LRRC28: variants seen among roughly 807,000 people sequenced by gnomAD.
LRRC28 encodes the protein leucine-rich repeat-containing protein 28.
Under a neutral mutation model 45.7 loss-of-function variants are expected in LRRC28, and 39 were observed. That is an observed-to-expected ratio of 0.85 (90% confidence interval 0.66 to 1.12). The LOEUF (loss-of-function observed/expected upper bound fraction) is 1.12, where lower values mean the gene tolerates loss of function less well. Ranked by LOEUF, LRRC28 falls within the 50% of genes most tolerant of loss-of-function variation. The pLI, the probability that LRRC28 is intolerant of heterozygous loss-of-function variation, is 0.00. For synonymous variants in LRRC28, 206 were observed against 178.8 expected (o/e 1.15, Z -1.22); for missense variants, 435 against 438.5 (o/e 0.99, Z 0.07).
chr15:99,378,891 C>A lies in LRRC28; in HGVS notation c.1032-7139C>A, dbSNP rs1198418622. Among the ~76,000 whole-genome samples, 5 of 152,194 alleles carry A rather than the reference C, an allele frequency of 3.3e-5. No individual in the cohort carries two copies. In the East Asian group the frequency reaches 7.7e-4, roughly 23 times the overall value. On this transcript the variant is annotated intron_variant, in intron 9 of 9. Transcript: ENST00000301981. The stretch of plus-strand genomic sequence containing the variant: ...AGCCTTGCATCCCAGGGATGAAGCC[C>A]ACTTGATCATGGTGGATAAGCTTCT...
intron 2 of LRRC28, among the ~76,000 whole-genome samples, chr15:99,273,475 G>A (rs972348607): frequency 6.6e-6 from 1 of 152,142 alleles, no homozygotes; most frequent in Non-Finnish European, 1.5e-5. Flanking sequence ...CTGACCTCGT[G>A]ATCTGCCCGC....
chr15:99,343,883 C>T (rs140803388), intron 6 of LRRC28, among the ~76,000 whole-genome samples: 19 of 152,260 alleles, frequency 1.2e-4, no homozygotes, highest in Middle Eastern at 3.4e-3. Context: ...ATAATGATTA[C>T]GAATGCCATT....
At chr15:99,381,502 T>C (rs9888728) in intron 9 of LRRC28, among the ~76,000 whole-genome samples, 35,594 of 152,204 alleles carry the variant, frequency 0.23, 5,630 homozygotes, top group African/African-American at 0.46. Context: ...TTGGAGAAGT[T>C]TGATCTTCTG....
At chr15:99,305,979 T>G (rs1050858804) in intron 5 of LRRC28, among the ~76,000 whole-genome samples, 1 of 152,270 alleles carries the variant, frequency 6.6e-6, no homozygotes, top group African/African-American at 2.4e-5. Flanking sequence ...AGTTCATTTA[T>G]TTTTAACAAC....
chr15:99,298,695 A>G (rs2082325496), intron 5 of LRRC28, among the ~76,000 whole-genome samples: 1 of 152,156 alleles, frequency 6.6e-6, no homozygotes, highest in Non-Finnish European at 1.5e-5. Context: ...CTTAGACACA[A>G]CCTATTAATA....
chr15:99,255,949 T>C lies in LRRC28; in HGVS notation c.-9T>C, dbSNP rs780882337. 1 of 1,611,412 alleles carries C rather than the reference T, an allele frequency of 6.2e-7. No homozygotes were observed. Among genetic ancestry groups the C allele is most frequent in the Non-Finnish European group, 8.5e-7 (1 of 1,179,584 alleles). ...GTGCTGCAGCGTGCCTGATGGGATA[T>C]ATTCAGTCATGGCGTCCGAACTTTG... On this transcript the variant is annotated 5_prime_UTR_variant, in exon 2 of 10. Coordinates refer to ENST00000301981, the MANE Select transcript of LRRC28 (RefSeq NM_144598.5).
At chr15:99,277,557 C>T (rs558487474) in intron 3 of LRRC28, among the ~76,000 whole-genome samples, 5 of 152,084 alleles carry the variant, frequency 3.3e-5, no homozygotes, top group East Asian at 1.9e-4. Flanking sequence ...ATACACAGTT[C>T]ATGTTTAAAT....
chr15:99,313,748 C>T (rs1379264864), intron 5 of LRRC28, among the ~76,000 whole-genome samples: 1 of 152,108 alleles, frequency 6.6e-6, no homozygotes, highest in East Asian at 1.9e-4. Context: ...TCTTGGTTGA[C>T]ATTTTTTTTC....
At chr15:99,311,957 A>G (rs1803036503) in intron 5 of LRRC28, among the ~76,000 whole-genome samples, 1 of 152,240 alleles carries the variant, frequency 6.6e-6, no homozygotes, top group East Asian at 1.9e-4. Context: ...GTGTTTTACC[A>G]GAATTAAGCC....
At chr15:99,349,981 A>C (rs1213652632) in intron 6 of LRRC28, among the ~76,000 whole-genome samples, 1 of 151,386 alleles carries the variant, frequency 6.6e-6, no homozygotes, top group African/African-American at 2.4e-5. Flanking sequence ...CTAAAAATAC[A>C]AAAAATTAGC....
At chr15:99,341,387 C>T (rs1395115323) in intron 6 of LRRC28, among the ~76,000 whole-genome samples, 1 of 152,104 alleles carries the variant, frequency 6.6e-6, no homozygotes, top group Non-Finnish European at 1.5e-5. Context: ...CCACCGCGCC[C>T]GGCCTGTTCT....
At chr15:99,344,198 A>AT (rs1466675352) in intron 6 of LRRC28, among the ~76,000 whole-genome samples, 1 of 152,202 alleles carries the variant, frequency 6.6e-6, no homozygotes, top group Non-Finnish European at 1.5e-5. Context: ...GCTGGGCACT[A>AT]TATACGTTGT....
chr15:99,361,423 G>C lies in LRRC28; in HGVS notation c.783G>C (p.Lys261Asn), dbSNP rs771497531. The change falls in exon 8 of 10, where the codon AAG becomes AAC. Residue 261 changes from lysine (K) to asparagine (N), a missense_variant. Physicochemically the swap from Lys to Asn is moderately conservative, Grantham distance 94. Transcript: ENST00000301981. The part of the protein sequence containing the change: ...QRTVFLPAEV[K>N]AIGTEHDHVL... ...CCGTTTTCCTCCCAGCTGAGGTGAA[G>C]GCCATAGGGACGGAGCATGATCACG... 38 of 1,613,866 alleles carry C rather than the reference G, an allele frequency of 2.4e-5. No homozygotes were observed. The highest frequency in any genetic ancestry group is 3.1e-5 in the Non-Finnish European group (37 of 1,179,970).
intron 9 of LRRC28, among the ~76,000 whole-genome samples, chr15:99,382,044 A>G (rs1407680335): frequency 1.3e-5 from 2 of 152,042 alleles, no homozygotes; most frequent in Non-Finnish European, 2.9e-5. Context: ...GAGATCCACT[A>G]CTCACTTCAA....
At chr15:99,289,059 G>T (rs982108286) in intron 5 of LRRC28, among the ~76,000 whole-genome samples, 1 of 152,124 alleles carries the variant, frequency 6.6e-6, no homozygotes, top group Non-Finnish European at 1.5e-5. Flanking sequence ...AGGATTTTCA[G>T]TTCTGCCTGA....
chr15:99,255,848 A>G (rs2081000944), intron 1 of LRRC28, 50 bp from the exon 2 acceptor site: 14 of 1,254,944 alleles, frequency 1.1e-5, no homozygotes, highest in East Asian at 5.0e-5. Context: ...TTATATGGCA[A>G]TTCTTGTAAA....
At chr15:99,382,655 T>G (rs1309124546) in intron 9 of LRRC28, among the ~76,000 whole-genome samples, 2 of 152,212 alleles carry the variant, frequency 1.3e-5, no homozygotes, top group Admixed American at 1.3e-4. Flanking sequence ...CCAGATTTTG[T>G]AAACATTCTC....
chr15:99,283,461 A>G (rs1430585075), intron 3 of LRRC28, among the ~76,000 whole-genome samples: 1 of 151,050 alleles, frequency 6.6e-6, no homozygotes, highest in African/African-American at 2.4e-5. Context: ...AAAATACAAA[A>G]AAAAATTAGC....
intron 2 of LRRC28, among the ~76,000 whole-genome samples, chr15:99,271,051 A>G (rs1015989701): frequency 4.6e-5 from 7 of 152,124 alleles, no homozygotes; most frequent in African/African-American, 1.7e-4. Context: ...CTTGTTGGTC[A>G]TTTGCATATC....
Sources: gnomAD v4.1 joint callset for allele counts (sites outside exome capture counted in the v4.1 genomes callset) on GRCh38, gnomAD v4.1.1 for gene constraint, MANE v1.5 for transcripts, NCBI Gene and HGNC (gene_info 2026-07-23, HGNC 2026-07-21) for gene names.